The following UXS1 variants were observed in gnomAD, a reference collection of about 807,000 sequenced individuals.
UXS1 encodes the protein UDP-glucuronate decarboxylase 1, also known as UDP-glucuronic acid decarboxylase 1.
A neutral mutation model predicts 62.6 loss-of-function variants in UXS1; 33 were observed. That is an observed-to-expected ratio of 0.53 (90% confidence interval 0.40 to 0.70). The LOEUF (loss-of-function observed/expected upper bound fraction) is 0.70. Among genes scored for constraint, UXS1 ranks in the 30% least tolerant of loss-of-function variants. The pLI is 0.00. For synonymous variants in UXS1, 213 were observed against 206.8 expected (o/e 1.03, Z -0.26); for missense variants, 434 against 556.3 (o/e 0.78, Z 2.21).
intron 13 of UXS1, chr2:106,097,397 G>A: frequency 5.6e-6 from 2 of 354,458 alleles, no homozygotes; most frequent in Non-Finnish European, 1.1e-5. Flanking sequence ...ACCAGTGACT[G>A]TGGGCCAGAC....
intron 4 of UXS1, 124 bp downstream of exon 4, chr2:106,163,543 G>C (rs1265471705): frequency 1.1e-5 from 6 of 564,648 alleles, no homozygotes; most frequent in Non-Finnish European, 1.8e-5. Flanking sequence ...CACTCAAAGT[G>C]GGGGAAATGC....
intron 1 of UXS1, among the ~76,000 whole-genome samples, chr2:106,191,003 C>G (rs556634263): frequency 6.6e-6 from 1 of 152,164 alleles, no homozygotes; most frequent in African/African-American, 2.4e-5. Context: ...AGGGCTGAAA[C>G]ACATAAGACA....
At chr2:106,101,306 G>A in intron 11 of UXS1, 188 bp from the exon 12 acceptor site, 1 of 594,684 alleles carries the variant, frequency 1.7e-6, no homozygotes. Flanking sequence ...AGTATTTATG[G>A]ATGAAATGAT....
intron 5 of UXS1, among the ~76,000 whole-genome samples, chr2:106,152,211 G>A (rs1181162477): frequency 6.6e-6 from 1 of 152,132 alleles, no homozygotes; most frequent in African/African-American, 2.4e-5. Context: ...ATTCACTTTG[G>A]GAGGCTGAGG....
Position 106,098,683 on chromosome 2 carries a change from G to A in UXS1, c.1042+33C>T, listed in dbSNP as rs73949299. On this transcript the variant is annotated intron_variant, in intron 13 of 14. Transcript: ENST00000283148. Reference sequence around the variant, plus strand: ...ATTAACAGATAGGGCAGGCACAGTCGATTTTACTCAGGAAATGACTTATCC... The same window carrying A: ...ATTAACAGATAGGGCAGGCACAGTCAATTTTACTCAGGAAATGACTTATCC... The A allele has an allele frequency of 9.4e-4, 1,488 of 1,577,196 alleles. 15 individuals are homozygous for A. The African/African-American group carries it at 0.018, about 19-fold the overall frequency.
At chr2:106,143,776 C>G (rs985941294) in intron 6 of UXS1, among the ~76,000 whole-genome samples, 5 of 152,202 alleles carry the variant, frequency 3.3e-5, no homozygotes, top group Admixed American at 1.3e-4. Flanking sequence ...GCTGCCAACA[C>G]TCTCCCGCAC....
chr2:106,184,037 C>T (rs964625173), intron 1 of UXS1, among the ~76,000 whole-genome samples: 1 of 151,966 alleles, frequency 6.6e-6, no homozygotes, highest in Non-Finnish European at 1.5e-5. Context: ...ACTAAAAATA[C>T]AAAAATTAGC....
intron 1 of UXS1, among the ~76,000 whole-genome samples, chr2:106,190,319 CA>C (rs1684834343): frequency 6.6e-6 from 1 of 152,162 alleles, no homozygotes; most frequent in Middle Eastern, 3.4e-3. Flanking sequence ...AGAGCATGTA[CA>C]GGGGCAAAGA....
In UXS1 at chr2:106,123,080, G is replaced by T; in HGVS notation, c.649C>A (p.His217Asn). 6.2e-7 allele frequency: 1 copy of T among 1,613,830 alleles called. No individual in the cohort carries two copies. Among genetic ancestry groups the T allele is most frequent in the Non-Finnish European group, 8.5e-7 (1 of 1,179,794 alleles). Reference sequence around the variant, plus strand: ...CCCCAGTAATCCTCACTTTGAGGGTGGACTTCAGGATCTACGATGGGAGAA... The same window carrying T: ...CCCCAGTAATCCTCACTTTGAGGGTTGACTTCAGGATCTACGATGGGAGAA... The part of the protein sequence containing the change: ...TSEVYGDPEV[H>N]PQSEDYWGHV... The change falls in exon 9 of 15, where the codon CAC becomes AAC. Residue 217 changes from histidine to asparagine, a missense_variant. His to Asn is a moderately conservative substitution (Grantham distance 68, BLOSUM62 1). This residue lies in a region of UXS1 where 134 missense variants were observed against 251.9 expected (regional missense o/e 0.53). Coordinates refer to ENST00000283148, the MANE Select transcript of UXS1 (RefSeq NM_001253875.2).
intron 7 of UXS1, among the ~76,000 whole-genome samples, chr2:106,128,307 T>C (rs1253720190): frequency 3.9e-5 from 6 of 152,096 alleles, no homozygotes; most frequent in African/African-American, 1.4e-4. Context: ...TCTTTCCAGA[T>C]AGGAAGAATG....
intron 14 of UXS1, among the ~76,000 whole-genome samples, chr2:106,094,845 G>C (rs879693980): frequency 2.0e-5 from 3 of 152,256 alleles, no homozygotes; most frequent in African/African-American, 7.2e-5. Context: ...GGGGGAGAAG[G>C]TCTGTCAGCT....
intron 5 of UXS1, among the ~76,000 whole-genome samples, chr2:106,157,839 G>C (rs1184354046): frequency 6.6e-6 from 1 of 152,178 alleles, no homozygotes; most frequent in Non-Finnish European, 1.5e-5. Flanking sequence ...CTGGCGGGAG[G>C]GGACTGGGAA....
chr2:106,099,534 A>T (rs1349360420), intron 12 of UXS1, among the ~76,000 whole-genome samples: 2 of 152,120 alleles, frequency 1.3e-5, no homozygotes, highest in African/African-American at 4.8e-5. Flanking sequence ...ATGACTAGCG[A>T]AGTGGAGTGA....
At chr2:106,094,212 C>T (rs199726062) in intron 14 of UXS1, 55 bp from the exon 15 acceptor site, 6 of 1,186,242 alleles carry the variant, frequency 5.1e-6, no homozygotes, top group East Asian at 2.6e-5. Context: ...AGAAGGGCAT[C>T]GCAGGAAGGA....
chr2:106,108,961 C>T (rs1482120395), intron 10 of UXS1, among the ~76,000 whole-genome samples: 2 of 145,182 alleles, frequency 1.4e-5, no homozygotes, highest in African/African-American at 4.9e-5. Flanking sequence ...ATCTGATCAC[C>T]CTCGACATCT....
At chr2:106,103,173 G>C (rs540592872) in intron 11 of UXS1, among the ~76,000 whole-genome samples, 5 of 152,234 alleles carry the variant, frequency 3.3e-5, no homozygotes, top group Non-Finnish European at 7.3e-5. Context: ...CATAGCACAG[G>C]CATCACTGAA....
At chr2:106,180,715 T>C (rs1197734030) in intron 1 of UXS1, among the ~76,000 whole-genome samples, 1 of 152,086 alleles carries the variant, frequency 6.6e-6, no homozygotes, top group African/African-American at 2.4e-5. Context: ...ACCATCAAAT[T>C]TGGGGAGAAT....
At position 106,100,759 on chromosome 2, in the gene UXS1, C is replaced by T. The variant is rs141682232; in HGVS notation, c.984+299G>A. Reference sequence around the variant, plus strand: ...GATGACCCGCCTGTTAAATAGAGAACGAGATGCACACACACGTCCACCTAC... The same window carrying T: ...GATGACCCGCCTGTTAAATAGAGAATGAGATGCACACACACGTCCACCTAC... On this transcript the variant is annotated intron_variant, in intron 12 of 14. Transcript: ENST00000283148. 3.2e-4 allele frequency: 108 copies of T among 338,590 alleles called. No homozygotes were observed. In the South Asian group the frequency reaches 5.2e-3, roughly 16 times the overall value. 21.0% of individuals were successfully genotyped at this position (338,590 alleles called of 1,614,324 possible).
At chr2:106,172,125 G>T (rs17032574) in intron 1 of UXS1, among the ~76,000 whole-genome samples, 1 of 152,228 alleles carries the variant, frequency 6.6e-6, no homozygotes, top group South Asian at 2.1e-4. Flanking sequence ...GTCCAGAGGC[G>T]ACATGGGGTC....
Sources: allele counts gnomAD v4.1 joint callset (sites outside exome capture counted in the v4.1 genomes callset), GRCh38; gene constraint gnomAD v4.1.1; regional missense constraint gnomAD v4.1.1; transcripts MANE v1.5; gene names NCBI Gene and HGNC (gene_info 2026-07-23, HGNC 2026-07-21).